Variants in TULP2 observed in about 807,000 individuals in gnomAD.
The protein encoded by TULP2 is tubby-related protein 2.
In TULP2, 64 loss-of-function variants were observed where a neutral mutation model predicts 60.3. That is an observed-to-expected ratio of 1.06 (90% confidence interval 0.87 to 1.31). The LOEUF is 1.31. TULP2 is among the 50% of genes most tolerant of loss of function. The pLI is 0.00. For synonymous variants in TULP2, 267 were observed against 265.4 expected, an observed-to-expected ratio of 1.01 and a Z score of -0.06; for missense variants, 652 against 667.0, an observed-to-expected ratio of 0.98 and a Z score of 0.25.
At position 48,897,568 on chromosome 19, in the gene TULP2, G is replaced by A. The variant is rs147669768; in HGVS notation, c.33-172C>T. 3.0e-3 allele frequency: 2,153 copies of A among 717,496 alleles called. 10 individuals carry two copies. The highest frequency in any genetic ancestry group is 4.7e-3 in the Admixed American group (183 of 38,868). 44.4% of individuals were successfully genotyped at this position (717,496 alleles called of 1,614,324 possible). A position where few individuals can be genotyped will look rare whatever the true frequency, so the allele number is the denominator to read the frequency against. ...ACCAGTTATAGGGCCCTTTCTCCTG[G>A]CACTGGCCCACAGAAGCCGGGACCC... On this transcript the variant is annotated intron_variant, in intron 2 of 12. Coordinates refer to ENST00000221399, the MANE Select transcript of TULP2 (RefSeq NM_003323.3). The surrounding 1 kb of genome is among the most constrained non-coding windows in gnomAD (Gnocchi z 4.0).
chr19:48,889,486 CTGAG>C lies in TULP2; in HGVS notation c.636+20_636+23del. 1 of 1,568,344 alleles carries C rather than the reference CTGAG, an allele frequency of 6.4e-7. No homozygotes were observed. The highest frequency in any genetic ancestry group is 1.3e-5 in the African/African-American group (1 of 74,336). On this transcript the variant is annotated intron_variant, in intron 7 of 12. Coordinates refer to ENST00000221399, the MANE Select transcript of TULP2 (RefSeq NM_003323.3). ...AGGCTAGCCCTCTTCTTCCAATATC[CTGAG>C]TGATTGTGCATTTTCCTACCTTTTG...
chr19:48,887,030 A>G (rs1408625807), intron 8 of TULP2, among the ~76,000 whole-genome samples: 2 of 87,356 alleles, frequency 2.3e-5, no homozygotes, highest in Non-Finnish European at 4.4e-5. Flanking sequence ...TTTTTTTTTG[A>G]GATGGAGTTT....
chr19:48,887,805 G>T, intron 8 of TULP2, 145 bp downstream of exon 8: 2 of 835,020 alleles, frequency 2.4e-6, no homozygotes, highest in Non-Finnish European at 3.7e-6. Flanking sequence ...TGATCCACCC[G>T]CTTCAGCCTC....
chr19:48,884,100 T>C (rs1429076142), intron 9 of TULP2, 54 bp from the exon 10 acceptor site: 4 of 1,429,904 alleles, frequency 2.8e-6, no homozygotes, highest in Admixed American at 3.4e-5. Flanking sequence ...ACTCTTTGAG[T>C]AAGTGTCACT....
chr19:48,888,728 T>G (rs1173180103), intron 7 of TULP2, among the ~76,000 whole-genome samples: 3 of 151,822 alleles, frequency 2.0e-5, no homozygotes, highest in Non-Finnish European at 4.4e-5. Context: ...TTCAAGCAAT[T>G]CTCCTGCCTC....
chr19:48,896,385 A>G (rs1400221930), intron 4 of TULP2, 45 bp downstream of exon 4: 13 of 1,547,468 alleles, frequency 8.4e-6, no homozygotes, highest in Non-Finnish European at 1.0e-5. Flanking sequence ...AGACTCCCAC[A>G]GGCCCCTCCC....
intron 11 of TULP2, among the ~76,000 whole-genome samples, chr19:48,883,087 C>T (rs1474164015): frequency 2.6e-5 from 4 of 151,926 alleles, no homozygotes; most frequent in African/African-American, 7.3e-5. Context: ...GGCATGGTAG[C>T]GGGCGCCTGT....
At position 48,897,185 on chromosome 19, in the gene TULP2, C is replaced by T. The variant is rs1462190184; in HGVS notation, c.84+160G>A. The stretch of plus-strand genomic sequence containing the variant: ...GATTACAGCCGTGAGCTGCCCTGCC[C>T]GGCCCCAAATTCCTATTTTCTCATT... On this transcript the variant is annotated intron_variant, in intron 3 of 12. Coordinates refer to ENST00000221399, the MANE Select transcript of TULP2 (RefSeq NM_003323.3). This position sits in a 1 kb window ranked among gnomAD's most constrained non-coding sequence, Gnocchi z 4.0. Among the ~76,000 whole-genome samples the T allele has an allele frequency of 6.6e-6, 1 of 152,108 alleles. No individual in the cohort carries two copies. The highest frequency in any genetic ancestry group is 6.6e-5 in the Admixed American group (1 of 15,244).
At chr19:48,882,503 G>A (rs1450204125) in intron 11 of TULP2, among the ~76,000 whole-genome samples, 1 of 152,154 alleles carries the variant, frequency 6.6e-6, no homozygotes, top group Admixed American at 6.6e-5. Flanking sequence ...ACTTTCTGCA[G>A]AAAGGGTACA....
chr19:48,882,181 C>T lies in TULP2; in HGVS notation c.1298G>A (p.Arg433His), dbSNP rs771301026. ...CCCTTGTTTGTCCCCACGTTGGTAACGACTCAGTAGCGACTCCTGTTCCTA... is the reference window on the plus strand; with the variant it reads ...CCCTTGTTTGTCCCCACGTTGGTAATGACTCAGTAGCGACTCCTGTTCCTA... ...PLNEQESLLS[R>H]YQRGDKQGLL... Residue 433 changes from arginine to histidine, a missense_variant, in exon 12 of 13, where the codon CGT becomes CAT. Coordinates refer to ENST00000221399, the MANE Select transcript of TULP2 (RefSeq NM_003323.3). The T allele has an allele frequency of 6.2e-7, 1 of 1,614,188 alleles. No individual in the cohort carries two copies.
At position 48,885,464 on chromosome 19, in the gene TULP2, A is replaced by T; in HGVS notation, c.1045T>A (p.Phe349Ile). Residue 349 changes from phenylalanine (F) to isoleucine (I), a missense_variant, in exon 9 of 13, where the codon TTC (phenylalanine) becomes ATC (isoleucine). Phe to Ile is a conservative substitution (Grantham distance 21). Transcript: ENST00000221399. Reference protein sequence around the residue: ...PTHLSRDGDNFVGKVRSNVFS... With the variant: ...PTHLSRDGDNIVGKVRSNVFS... Reference sequence around the variant, plus strand: ...TCTACCCACCTGACTTTGCCCACGAAATTGTCCCCGTCCCGAGATAGGTGT... The same window carrying T: ...TCTACCCACCTGACTTTGCCCACGATATTGTCCCCGTCCCGAGATAGGTGT... 1 of 1,613,820 alleles carries T rather than the reference A, an allele frequency of 6.2e-7. No individual in the cohort carries two copies. The highest frequency in any genetic ancestry group is 8.5e-7 in the Non-Finnish European group (1 of 1,179,880).
rs2122126139 is a variant in TULP2, at chr19:48,888,173, A to G, written c.725T>C (p.Leu242Pro). 6.2e-7 allele frequency: 1 copy of G among 1,614,176 alleles called. No individual in the cohort carries two copies. Among genetic ancestry groups the G allele is most frequent in the Non-Finnish European group, 8.5e-7 (1 of 1,180,022 alleles). Residue 242 changes from leucine to proline, a missense_variant, in exon 8 of 13, where the codon CTG becomes CCG. Coordinates refer to ENST00000221399, the MANE Select transcript of TULP2 (RefSeq NM_003323.3). ...GCTGTCCGTGCCACCCTCGCCTTTCAGGGCCTTGGACAACTCTTCGTTGTG... is the reference window on the plus strand; with the variant it reads ...GCTGTCCGTGCCACCCTCGCCTTTCGGGGCCTTGGACAACTCTTCGTTGTG... ...AAHNEELSKA[L>P]KGEGGTDSDH... is the part of the protein sequence containing the mutation.
In TULP2 at chr19:48,888,131, T is replaced by C. The variant is rs746533644; in HGVS notation, c.767A>G (p.Glu256Gly). Residue 256 changes from glutamate to glycine, a missense_variant, in exon 8 of 13, where the codon GAA becomes GGA. Transcript: ENST00000221399. ...GGTDSDHMRH[E>G]ASLAIRSPCP... ...GGGGGAGCGGATTGCCAAGGAGGCT[T>C]CGTGCCTCATATGGTCGCTGTCCGT... 1 of 1,614,208 alleles carries C rather than the reference T, an allele frequency of 6.2e-7. No homozygotes were observed. Among genetic ancestry groups the C allele is most frequent in the South Asian group, 1.1e-5 (1 of 91,088 alleles).
At chr19:48,888,298 C>T in intron 7 of TULP2, 37 bp from the exon 8 acceptor site, 5 of 1,549,598 alleles carry the variant, frequency 3.2e-6, no homozygotes, top group Non-Finnish European at 4.4e-6. Flanking sequence ...GAGGGACAAC[C>T]ACCGGCCCAG....
intron 4 of TULP2, among the ~76,000 whole-genome samples, chr19:48,895,854 T>C (rs977886323): frequency 3.3e-5 from 5 of 152,034 alleles, no homozygotes; most frequent in African/African-American, 9.7e-5. Context: ...ACTCCAGCTT[T>C]GGCAACAAGA....
chr19:48,894,948 C>T, intron 6 of TULP2, 50 bp downstream of exon 6: 1 of 1,566,002 alleles, frequency 6.4e-7, no homozygotes. Flanking sequence ...GGAAGATTTG[C>T]TGCATGAACC....
Position 48,887,822 on chromosome 19 carries a change from T to G in TULP2, c.948+128A>C, listed in dbSNP as rs532124890. 1.5e-5 allele frequency: 15 copies of G among 1,008,154 alleles called. No homozygotes were observed. In the East Asian group the frequency reaches 3.6e-4, roughly 24 times the overall value. The allele number at this position is 1,008,154 out of a possible 1,614,324, so 62.5% of individuals were successfully genotyped here. On this transcript the variant is annotated intron_variant, in intron 8 of 12. Transcript: ENST00000221399. ...ATCCACCCGCTTCAGCCTCCCAAAGTGCTGGGATTATAGGCGTGAGCCACT... is the reference window on the plus strand; with the variant it reads ...ATCCACCCGCTTCAGCCTCCCAAAGGGCTGGGATTATAGGCGTGAGCCACT...
intron 3 of TULP2, among the ~76,000 whole-genome samples, chr19:48,896,953 G>T (rs950303768): frequency 1.3e-5 from 2 of 150,882 alleles, no homozygotes; most frequent in Admixed American, 6.6e-5. Flanking sequence ...GCAGTACCAC[G>T]ATCTCCGCTC....
rs1197984616 is a variant in TULP2, at chr19:48,888,030, G to A, written c.868C>T (p.Leu290Phe). The A allele has an allele frequency of 5.0e-6, 8 of 1,614,116 alleles. No individual in the cohort carries two copies. Among genetic ancestry groups the A allele is most frequent in the Non-Finnish European group, 6.8e-6 (8 of 1,180,052 alleles). Reference protein sequence around the residue: ...ALPGTMMQCYLTRDKHGVDKG... With the variant: ...ALPGTMMQCYFTRDKHGVDKG... ...TCCACGCCGTGCTTGTCACGGGTGA[G>A]GTAGCACTGCATCATGGTGCCCGGG... Residue 290 changes from leucine to phenylalanine, a missense_variant, in exon 8 of 13, where the codon CTC becomes TTC. Transcript: ENST00000221399.
Sources: allele counts gnomAD v4.1 joint callset (sites outside exome capture counted in the v4.1 genomes callset), GRCh38; gene constraint gnomAD v4.1.1; non-coding constraint Gnocchi (gnomAD v3.1); transcripts MANE v1.5; gene names NCBI Gene and HGNC (gene_info 2026-07-23, HGNC 2026-07-21).